Variants in GCH1 observed in about 807,000 individuals in gnomAD.
GCH1 encodes the protein GTP cyclohydrolase I.
A neutral mutation model predicts 25.9 loss-of-function variants in GCH1; 5 were observed. The observed-to-expected ratio is 0.19, with a 90% CI of 0.10 to 0.41. The LOEUF is 0.41. GCH1 is among the 10% of genes least tolerant of loss of function. The pLI is 1.00. For missense variants in GCH1, 261 were observed against 336.5 expected (o/e 0.78, Z 1.75); for synonymous variants, 159 against 129.6 (o/e 1.23, Z -1.54).
At chr14:54,900,400 C>T (rs1263784040) in intron 1 of GCH1, among the ~76,000 whole-genome samples, 1 of 145,482 alleles carries the variant, frequency 6.9e-6, no homozygotes, top group Non-Finnish European at 1.5e-5. Context: ...TTAGTAGAGA[C>T]GGGGTTTCGC....
intron 3 of GCH1, chr14:54,859,207 T>C (rs745972158): frequency 6.3e-5 from 11 of 174,334 alleles, no homozygotes; most frequent in Non-Finnish European, 1.1e-4. Flanking sequence ...ATTACAAGTC[T>C]GAAAGCAGTG....
chr14:54,871,304 AAACT>A (rs1167083901), intron 1 of GCH1, among the ~76,000 whole-genome samples: 1 of 152,244 alleles, frequency 6.6e-6, no homozygotes, highest in Non-Finnish European at 1.5e-5. Context: ...GTTAGAAGGA[AAACT>A]AACAAACAAA....
intron 3 of GCH1, among the ~76,000 whole-genome samples, chr14:54,854,951 G>A (rs1176984729): frequency 6.6e-6 from 1 of 151,978 alleles, no homozygotes; most frequent in East Asian, 1.9e-4. Context: ...TCAAAAATTC[G>A]GCTACCCTTT....
intron 2 of GCH1, among the ~76,000 whole-genome samples, chr14:54,864,537 G>A (rs2140072905): frequency 6.6e-6 from 1 of 152,166 alleles, no homozygotes; most frequent in South Asian, 2.1e-4. Flanking sequence ...TTTACTTTTG[G>A]TTTGTTTAAA....
At chr14:54,884,122 C>A (rs1219144241) in intron 1 of GCH1, among the ~76,000 whole-genome samples, 1 of 152,170 alleles carries the variant, frequency 6.6e-6, no homozygotes, top group Non-Finnish European at 1.5e-5. Flanking sequence ...CAAACCATGA[C>A]CTCAAGCAAC....
intron 1 of GCH1, among the ~76,000 whole-genome samples, chr14:54,877,218 T>G (rs117283390): frequency 2.6e-5 from 4 of 152,344 alleles, no homozygotes; most frequent in Non-Finnish European, 5.9e-5. Flanking sequence ...CTGCCTGTTA[T>G]CAGCAGCAAG....
intron 1 of GCH1, among the ~76,000 whole-genome samples, chr14:54,889,514 G>C (rs1267430870): frequency 6.6e-6 from 1 of 152,134 alleles, no homozygotes; most frequent in Non-Finnish European, 1.5e-5. Flanking sequence ...GGCCTCTTAG[G>C]ACTGCACATC....
intron 1 of GCH1, among the ~76,000 whole-genome samples, chr14:54,868,556 T>C (rs543673990): frequency 2.6e-5 from 4 of 152,350 alleles, no homozygotes; most frequent in African/African-American, 9.6e-5. Context: ...GTAGTTTAAA[T>C]AATAGTATTG....
At chr14:54,853,888 CTT>C (rs1180739140) in intron 3 of GCH1, among the ~76,000 whole-genome samples, 1 of 152,168 alleles carries the variant, frequency 6.6e-6, no homozygotes, top group Non-Finnish European at 1.5e-5. Flanking sequence ...TGAAAGAACA[CTT>C]ATAAAACTGA....
At chr14:54,886,408 T>C (rs994992229) in intron 1 of GCH1, among the ~76,000 whole-genome samples, 9 of 151,488 alleles carry the variant, frequency 5.9e-5, no homozygotes, top group Admixed American at 2.0e-4. Flanking sequence ...GTCAGGAGAT[T>C]GAGACCATCC....
chr14:54,901,826 TC>T (rs1340401021), intron 1 of GCH1, among the ~76,000 whole-genome samples: 2 of 150,890 alleles, frequency 1.3e-5, no homozygotes, highest in African/African-American at 4.9e-5. Flanking sequence ...GGAATGCAGG[TC>T]CCCGAGGTTT....
At chr14:54,902,223 A>T (rs2040577035) in intron 1 of GCH1, 98 bp downstream of exon 1, 2 of 1,332,856 alleles carry the variant, frequency 1.5e-6, no homozygotes, top group Non-Finnish European at 2.1e-6. Context: ...CTGCGCCAAA[A>T]GTGAGGCAAC....
chr14:54,885,088 C>A, intron 1 of GCH1: 1 of 310,690 alleles, frequency 3.2e-6, no homozygotes, highest in East Asian at 8.7e-5. Flanking sequence ...CATTTGTTGT[C>A]ATCTGTTGTC....
chr14:54,875,841 GA>G (rs1472963017), intron 1 of GCH1, among the ~76,000 whole-genome samples: 1 of 152,158 alleles, frequency 6.6e-6, no homozygotes, highest in Non-Finnish European at 1.5e-5. Context: ...AAAAAGTCAA[GA>G]AACAACAGGT....
chr14:54,896,131 T>C (rs979386931), intron 1 of GCH1, among the ~76,000 whole-genome samples: 1 of 152,208 alleles, frequency 6.6e-6, no homozygotes, highest in Admixed American at 6.5e-5. Context: ...TCAACATTAC[T>C]AACCAGGAGT....
At position 54,858,955 on chromosome 14, in the gene GCH1, G is replaced by C. The variant is rs574736823; in HGVS notation, c.509+726C>G. 1.9e-4 allele frequency among the ~76,000 whole-genome samples: 29 copies of C among 152,324 alleles called. 1 individual carries two copies. The South Asian group carries it at 6.0e-3, about 32-fold the overall frequency. On this transcript the variant is annotated intron_variant, in intron 3 of 5. Coordinates refer to ENST00000491895, the MANE Select transcript of GCH1 (RefSeq NM_000161.3). The stretch of plus-strand genomic sequence containing the variant: ...AAAGGCAGTAAGGGAATTTTTTAAG[G>C]CATGAACCCACAGGATAAACAACAG...
At chr14:54,878,217 A>G (rs186117083) in intron 1 of GCH1, 1 of 154,352 alleles carries the variant, frequency 6.5e-6, no homozygotes, top group Non-Finnish European at 1.5e-5. Context: ...TGCCGTCTGG[A>G]GTATCTGGTG....
intron 2 of GCH1, among the ~76,000 whole-genome samples, chr14:54,863,759 T>C (rs973143443): frequency 6.6e-6 from 1 of 152,162 alleles, no homozygotes; most frequent in African/African-American, 2.4e-5. Context: ...GATAAACTGA[T>C]ACAAAGGATG....
chr14:54,849,055 G>A (rs1422386511), intron 3 of GCH1, among the ~76,000 whole-genome samples: 7 of 152,218 alleles, frequency 4.6e-5, no homozygotes, highest in Non-Finnish European at 7.3e-5. Context: ...GTAACACTGG[G>A]CAACCATGTT....
Sources: gnomAD v4.1 joint callset for allele counts (sites outside exome capture counted in the v4.1 genomes callset) on GRCh38, gnomAD v4.1.1 for gene constraint, MANE v1.5 for transcripts, NCBI Gene and HGNC (gene_info 2026-07-23, HGNC 2026-07-21) for gene names.